The following ORC3 variants were observed in gnomAD, a reference collection of about 807,000 sequenced individuals.
ORC3 encodes homolog of latheo, Drosophila.
Under a neutral mutation model 100.7 loss-of-function variants are expected in ORC3, and 78 were observed. The ratio of observed to expected loss-of-function variants is 0.77; its 90% CI spans 0.65 to 0.94. The LOEUF (loss-of-function observed/expected upper bound fraction) is 0.94. Ranked by LOEUF, ORC3 falls within the 40% of genes least tolerant of loss-of-function variation. ORC3 has a pLI of 0.00. For synonymous variants in ORC3, 295 were observed against 289.3 expected (o/e 1.02, Z -0.20); for missense variants, 789 against 823.9 (o/e 0.96, Z 0.52).
chr6:87,609,487 A>G (rs1367282154), intron 7 of ORC3: 1 of 301,834 alleles, frequency 3.3e-6, no homozygotes, highest in Non-Finnish European at 6.1e-6. Flanking sequence ...TTTCTCACCA[A>G]GATTGACTGT....
rs188392638 is a variant in ORC3 at position 87,633,370 on chromosome 6, G to T, written c.1186-1475G>T. Among the ~76,000 whole-genome samples the T allele has an allele frequency of 2.8e-3, 430 of 152,286 alleles. 2 individuals carry two copies. Among genetic ancestry groups the T allele is most frequent in the African/African-American group, 9.6e-3 (399 of 41,556 alleles). ...CCCAATGGTGGTTAAAACAATTTTT[G>T]ATTATGGCTACTTTTGTTATGATAG... On this transcript the variant is annotated intron_variant, in intron 11 of 19. Coordinates refer to ENST00000392844, the MANE Select transcript of ORC3 (RefSeq NM_012381.4).
At chr6:87,676,596 A>AACACACAC in the ORC3 span, among the ~76,000 whole-genome samples, 2,837 of 142,078 alleles carry the variant, frequency 0.02, 87 homozygotes, top group African/African-American at 0.066. Flanking sequence ...CTCTACTAAA[A>AACACACAC]ACACACACAC....
chr6:87,616,293 C>A, intron 8 of ORC3, 21 bp from the exon 9 acceptor site: 1 of 895,844 alleles, frequency 1.1e-6, no homozygotes, highest in South Asian at 1.3e-5. Context: ...GTGTGTCCCC[C>A]TCCCTTTTAA....
At chr6:87,592,550 AC>A (rs964309315) in intron 1 of ORC3, among the ~76,000 whole-genome samples, 3 of 152,064 alleles carry the variant, frequency 2.0e-5, no homozygotes, top group African/African-American at 7.2e-5. Flanking sequence ...AATCGCCTGA[AC>A]CCGGGAGGTA....
chr6:87,645,644 G>T (rs983130114), intron 13 of ORC3, among the ~76,000 whole-genome samples: 2 of 152,054 alleles, frequency 1.3e-5, no homozygotes, highest in Admixed American at 6.6e-5. Context: ...AACTCGTCAG[G>T]CAAAAGATGT....
chr6:87,664,994 A>T (rs940681469), intron 18 of ORC3, 135 bp downstream of exon 18: 1 of 619,308 alleles, frequency 1.6e-6, no homozygotes, highest in Non-Finnish European at 2.8e-6. Context: ...GGAAAGCATA[A>T]ATCATTTCAA....
chr6:87,593,075 A>C lies in ORC3; in HGVS notation c.25-1278A>C, dbSNP rs546808817. 5.9e-5 allele frequency among the ~76,000 whole-genome samples: 9 copies of C among 152,314 alleles called. No homozygotes were observed. In the South Asian group the frequency reaches 1.9e-3, roughly 32 times the overall value. On this transcript the variant is annotated intron_variant, in intron 1 of 19. Coordinates refer to ENST00000392844, the MANE Select transcript of ORC3 (RefSeq NM_012381.4). ...ACCATTGCACTCCAGCCTGGACGAC[A>C]GAGCGAGACTCTGTCTCAAAAAAAC...
At chr6:87,619,895 T>TC (rs2128263153) in intron 9 of ORC3, among the ~76,000 whole-genome samples, 1 of 151,934 alleles carries the variant, frequency 6.6e-6, no homozygotes, top group African/African-American at 2.4e-5. Context: ...AGAGTCTCAC[T>TC]CTGTTGCCCA....
At chr6:87,649,400 G>A (rs1206894494) in intron 13 of ORC3, among the ~76,000 whole-genome samples, 1 of 152,122 alleles carries the variant, frequency 6.6e-6, no homozygotes, top group African/African-American at 2.4e-5. Context: ...TACACACATT[G>A]TTCCTGTTTT....
At position 87,634,960 on chromosome 6, in the gene ORC3, A is replaced by G. The variant is rs942044098; in HGVS notation, c.1301A>G (p.Gln434Arg). ...SSLPKYPLGR[Q>R]IRELYCTCLE... is the part of the protein sequence containing the mutation. The stretch of plus-strand genomic sequence containing the variant: ...CTTCCCAAGTATCCACTAGGTCGAC[A>G]GGTAATCCAAGCCTCCTCATTTGTA... Residue 434 changes from glutamine (Q) to arginine (R), a missense_variant and splice_region_variant, in exon 12 of 20, where the codon CAG becomes CGG. Gln to Arg is a conservative substitution (Grantham distance 43). Around this residue, in one of 3 missense-constraint regions of ORC3, gnomAD observed 366 missense variants for 394.2 expected, o/e 0.93. Coordinates refer to ENST00000392844, the MANE Select transcript of ORC3 (RefSeq NM_012381.4). The G allele has an allele frequency of 7.2e-7, 1 of 1,393,854 alleles. No individual in the cohort carries two copies. Among genetic ancestry groups the G allele is most frequent in the Non-Finnish European group, 1.0e-6 (1 of 979,090 alleles). 86.3% of individuals were successfully genotyped at this position (1,393,854 alleles called of 1,614,324 possible). A position where few individuals can be genotyped will look rare whatever the true frequency, so the allele number is the denominator to read the frequency against.
At chr6:87,676,968 A>G in the ORC3 span, among the ~76,000 whole-genome samples, 1 of 150,756 alleles carries the variant, frequency 6.6e-6, no homozygotes, top group Non-Finnish European at 1.5e-5. Flanking sequence ...TCCCAGCTAC[A>G]CAGGAGGCTG....
intron 1 of ORC3, among the ~76,000 whole-genome samples, chr6:87,591,565 G>C (rs1009154587): frequency 3.3e-5 from 5 of 152,124 alleles, no homozygotes; most frequent in African/African-American, 1.2e-4. Context: ...TAATCCTGTT[G>C]ATTGCATAAG....
At chr6:87,609,336 C>G in intron 7 of ORC3, 107 bp downstream of exon 7, 1 of 710,294 alleles carries the variant, frequency 1.4e-6, no homozygotes, top group Non-Finnish European at 2.2e-6. Context: ...GGATAAAAAT[C>G]AAAGTATTCA....
chr6:87,648,462 A>G (rs1345705766), intron 13 of ORC3, among the ~76,000 whole-genome samples: 1 of 151,768 alleles, frequency 6.6e-6, no homozygotes, highest in Admixed American at 6.6e-5. Flanking sequence ...TGTGGTGGTT[A>G]TTTTGGTTTG....
intron 4 of ORC3, 27 bp from the exon 5 acceptor site, chr6:87,605,890 A>T (rs752922267): frequency 9.2e-7 from 1 of 1,089,590 alleles, no homozygotes; most frequent in East Asian, 2.4e-5. Context: ...AAAAATGGTG[A>T]TGTAATATTG....
chr6:87,619,276 A>T (rs963827601), intron 9 of ORC3, among the ~76,000 whole-genome samples: 1 of 152,252 alleles, frequency 6.6e-6, no homozygotes, highest in Admixed American at 6.5e-5. Context: ...CAAGTTACTT[A>T]ATCTCTCAGG....
chr6:87,618,996 T>C (rs1779355616), intron 9 of ORC3, among the ~76,000 whole-genome samples: 1 of 152,198 alleles, frequency 6.6e-6, no homozygotes, highest in Non-Finnish European at 1.5e-5. Flanking sequence ...GAGAAAGATT[T>C]GGACTGGAAA....
intron 7 of ORC3, 143 bp from the exon 8 acceptor site, chr6:87,611,946 A>T (rs1284235495): frequency 5.9e-6 from 4 of 673,290 alleles, no homozygotes; most frequent in Non-Finnish European, 9.5e-6. Context: ...AAGACTTAGA[A>T]AATTTTAGTG....
chr6:87,612,770 G>A (rs534598200), intron 8 of ORC3, among the ~76,000 whole-genome samples: 5 of 152,136 alleles, frequency 3.3e-5, no homozygotes, highest in East Asian at 1.9e-4. Flanking sequence ...GTGCCGCCAC[G>A]CCTGGCTAAT....
Sources: gnomAD v4.1 joint callset for allele counts (sites outside exome capture counted in the v4.1 genomes callset) on GRCh38, gnomAD v4.1.1 for gene constraint, gnomAD v4.1.1 regional missense constraint, MANE v1.5 for transcripts, NCBI Gene and HGNC (gene_info 2026-07-23, HGNC 2026-07-21) for gene names.